GRM1: variants seen among roughly 807,000 people sequenced by gnomAD.
GRM1 encodes glutamate metabotropic receptor 1.
Under a neutral mutation model 90.9 loss-of-function variants are expected in GRM1, and 33 were observed. That is an observed-to-expected ratio of 0.36 (90% CI 0.28 to 0.49). The LOEUF (loss-of-function observed/expected upper bound fraction) is 0.49, where lower values mean the gene tolerates loss of function less well. Among genes scored for constraint, GRM1 ranks in the 20% least tolerant of loss-of-function variants. The pLI is 0.99. For missense variants in GRM1, 1,190 were observed against 1,534.3 expected, an observed-to-expected ratio of 0.78 and a Z score of 3.75; for synonymous variants, 700 against 613.2, an observed-to-expected ratio of 1.14 and a Z score of -2.09.
At chr6:146,042,978 T>C (rs1791171860) in intron 1 of GRM1, among the ~76,000 whole-genome samples, 1 of 151,934 alleles carries the variant, frequency 6.6e-6, no homozygotes, top group African/African-American at 2.4e-5. Flanking sequence ...ATCTGGGAGA[T>C]CATTACCAAC....
chr6:146,049,873 A>G (rs1487837368), intron 1 of GRM1, among the ~76,000 whole-genome samples: 1 of 151,992 alleles, frequency 6.6e-6, no homozygotes, highest in African/African-American at 2.4e-5. Flanking sequence ...CCTAGAAGGT[A>G]GGTACTATTA....
At chr6:146,146,654 G>A (rs1200165313) in intron 1 of GRM1, among the ~76,000 whole-genome samples, 1 of 152,120 alleles carries the variant, frequency 6.6e-6, no homozygotes, top group Admixed American at 6.5e-5. Flanking sequence ...TAGATTAAGA[G>A]GGACTGCCCT....
chr6:146,072,550 T>TA (rs1195260083), intron 1 of GRM1, among the ~76,000 whole-genome samples: 1 of 152,212 alleles, frequency 6.6e-6, no homozygotes, highest in East Asian at 1.9e-4. Context: ...AATAGAGTAC[T>TA]AATTCTTTTT....
chr6:146,164,129 T>C (rs574028013), intron 2 of GRM1, among the ~76,000 whole-genome samples: 2 of 152,278 alleles, frequency 1.3e-5, no homozygotes, highest in African/African-American at 2.4e-5. Context: ...TTTATGTGTA[T>C]GAGCACAAAA....
intron 2 of GRM1, among the ~76,000 whole-genome samples, chr6:146,245,781 C>T (rs1375514107): frequency 1.1e-4 from 17 of 152,114 alleles, no homozygotes; most frequent in Admixed American, 6.6e-4. Context: ...TAGCTATAAA[C>T]CAACTGTTTA....
intron 2 of GRM1, among the ~76,000 whole-genome samples, chr6:146,180,733 C>G (rs182333324): frequency 9.2e-5 from 14 of 152,130 alleles, no homozygotes; most frequent in Non-Finnish European, 1.8e-4. Flanking sequence ...ATAGGACTTT[C>G]ATTAGCTTCT....
intron 2 of GRM1, among the ~76,000 whole-genome samples, chr6:146,162,570 A>T (rs750757256): frequency 4.6e-5 from 7 of 152,168 alleles, no homozygotes; most frequent in Non-Finnish European, 1.0e-4. Context: ...AGGCAAAGTG[A>T]TCTTCTAAGA....
chr6:146,312,378 A>AAAG (rs1783808086), intron 3 of GRM1, among the ~76,000 whole-genome samples: 2 of 150,508 alleles, frequency 1.3e-5, no homozygotes, highest in Non-Finnish European at 3.0e-5. Context: ...AAAAAAAAAA[A>AAAG]AGAATATTTA....
chr6:146,064,633 AT>A (rs1775782873), intron 1 of GRM1, among the ~76,000 whole-genome samples: 1 of 151,934 alleles, frequency 6.6e-6, no homozygotes, highest in Non-Finnish European at 1.5e-5. Flanking sequence ...AGAAATCAAA[AT>A]AAAAAACAAG....
At chr6:146,319,760 CTGTT>C (rs1357313169) in intron 3 of GRM1, among the ~76,000 whole-genome samples, 8 of 152,144 alleles carry the variant, frequency 5.3e-5, no homozygotes, top group African/African-American at 1.9e-4. Flanking sequence ...ATTTGGCTCT[CTGTT>C]TGTCTATTAA....
intron 1 of GRM1, among the ~76,000 whole-genome samples, chr6:146,119,026 A>G (rs1294947313): frequency 6.6e-6 from 1 of 152,240 alleles, no homozygotes; most frequent in Non-Finnish European, 1.5e-5. Context: ...ACTGACTTCC[A>G]CAATGGTTGA....
intron 3 of GRM1, among the ~76,000 whole-genome samples, chr6:146,337,446 G>C (rs115413272): frequency 6.6e-6 from 1 of 152,250 alleles, no homozygotes; most frequent in African/African-American, 2.4e-5. Flanking sequence ...TCACTTGGGG[G>C]ATATATTCCT....
At chr6:146,359,006 T>C (rs1022990721) in intron 5 of GRM1, among the ~76,000 whole-genome samples, 1 of 152,208 alleles carries the variant, frequency 6.6e-6, no homozygotes, top group African/African-American at 2.4e-5. Flanking sequence ...GCCATGGCTA[T>C]GGTAAATCTT....
Position 146,399,092 on chromosome 6 carries a change from A to G in GRM1, c.2053A>G (p.Ile685Val). 1 of 1,614,114 alleles carries G rather than the reference A, an allele frequency of 6.2e-7. No homozygotes were observed. Among genetic ancestry groups the G allele is most frequent in the South Asian group, 1.1e-5 (1 of 91,080 alleles). The change falls in exon 7 of 8, where the codon ATC (isoleucine) becomes GTC (valine). Residue 685 changes from isoleucine (I) to valine (V), a missense_variant. By Grantham distance (29) the Ile-to-Val change is conservative (BLOSUM62 3). Coordinates refer to ENST00000282753, the MANE Select transcript of GRM1 (RefSeq NM_001278064.2). The surrounding 1 kb of genome is among the most constrained non-coding windows in gnomAD (Gnocchi z 5.4). ...GACTAAAACCAATCGTATTGCACGC[A>G]TCCTGGCTGGCAGCAAGAAGAAGAT... ...LVTKTNRIAR[I>V]LAGSKKKICT...
intron 3 of GRM1, among the ~76,000 whole-genome samples, chr6:146,312,048 T>C (rs1783789603): frequency 6.6e-6 from 1 of 152,062 alleles, no homozygotes; most frequent in Non-Finnish European, 1.5e-5. Context: ...CAGTAACTGT[T>C]AAGAATATTT....
At chr6:146,390,522 T>C (rs1217494224) in intron 6 of GRM1, among the ~76,000 whole-genome samples, 2 of 151,986 alleles carry the variant, frequency 1.3e-5, no homozygotes, top group African/African-American at 4.8e-5. Flanking sequence ...ATGCTACTAA[T>C]TTATTTGTAG....
chr6:146,335,090 A>C (rs1784722912), intron 3 of GRM1, among the ~76,000 whole-genome samples: 1 of 152,176 alleles, frequency 6.6e-6, no homozygotes, highest in South Asian at 2.1e-4. Flanking sequence ...GCTTTCAGTT[A>C]AGAGCAATTT....
intron 5 of GRM1, among the ~76,000 whole-genome samples, chr6:146,361,021 G>T (rs362847): frequency 0.2 from 29,901 of 152,118 alleles, 3,891 homozygotes; most frequent in African/African-American, 0.37. Flanking sequence ...TTCATCCTAT[G>T]TTCTGCTTCG....
At chr6:146,252,076 T>C (rs1781307657) in intron 2 of GRM1, among the ~76,000 whole-genome samples, 1 of 152,166 alleles carries the variant, frequency 6.6e-6, no homozygotes, top group South Asian at 2.1e-4. Flanking sequence ...CTATCTAACA[T>C]TTTATATATT....
Sources: gnomAD v4.1 joint callset for allele counts (sites outside exome capture counted in the v4.1 genomes callset) on GRCh38, gnomAD v4.1.1 for gene constraint, Gnocchi (gnomAD v3.1) non-coding constraint, MANE v1.5 for transcripts, NCBI Gene and HGNC (gene_info 2026-07-23, HGNC 2026-07-21) for gene names.